The following ZYG11A variants were observed in gnomAD, a reference collection of about 807,000 sequenced individuals.
The protein encoded by ZYG11A is zyg-11 family member A, cell cycle regulator.
A neutral mutation model predicts 77.2 loss-of-function variants in ZYG11A; 62 were observed. That is an observed-to-expected ratio of 0.80 (90% confidence interval 0.65 to 0.99). The LOEUF is 0.99. ZYG11A is among the 50% of genes least tolerant of loss of function. The pLI, the probability that ZYG11A is intolerant of heterozygous loss-of-function variation, is 0.00. For synonymous variants in ZYG11A, 315 were observed against 324.6 expected, an observed-to-expected ratio of 0.97 and a Z score of 0.32; for missense variants, 828 against 896.8, an observed-to-expected ratio of 0.92 and a Z score of 0.98.
intron 8 of ZYG11A, among the ~76,000 whole-genome samples, chr1:52,874,921 A>G (rs970311823): frequency 1.6e-4 from 25 of 152,218 alleles, no homozygotes; most frequent in African/African-American, 6.0e-4. Context: ...CACTTAATAG[A>G]CTACATTATA....
intron 13 of ZYG11A, 62 bp downstream of exon 13, chr1:52,887,115 T>G: frequency 1.0e-6 from 1 of 974,758 alleles, no homozygotes; most frequent in South Asian, 1.9e-5. Flanking sequence ...GTGTAATGAT[T>G]AAGTTCAAGA....
At chr1:52,870,193 C>T (rs1400730797) in intron 8 of ZYG11A, among the ~76,000 whole-genome samples, 2 of 65,462 alleles carry the variant, frequency 3.1e-5, no homozygotes, top group African/African-American at 6.6e-5. Flanking sequence ...GGATGGCGGC[C>T]GGGAAGAGAC....
At chr1:52,886,424 AG>A (rs1271618329) in intron 12 of ZYG11A, among the ~76,000 whole-genome samples, 2 of 152,234 alleles carry the variant, frequency 1.3e-5, no homozygotes, top group Non-Finnish European at 2.9e-5. Context: ...ATCATAATAA[AG>A]GGTTTAATAC....
intron 1 of ZYG11A, among the ~76,000 whole-genome samples, chr1:52,850,872 A>G (rs770884199): frequency 1.3e-5 from 2 of 152,190 alleles, no homozygotes; most frequent in Non-Finnish European, 2.9e-5. Context: ...CCCACGAATT[A>G]TAATAGCCAT....
chr1:52,881,986 G>A lies in ZYG11A; in HGVS notation c.1944+321G>A, dbSNP rs145247200. 8.3e-4 allele frequency among the ~76,000 whole-genome samples: 126 copies of A among 151,370 alleles called. 1 individual carries two copies. The highest frequency in any genetic ancestry group is 3.0e-3 in the African/African-American group (123 of 41,244). On this transcript the variant is annotated intron_variant, in intron 11 of 13. Coordinates refer to ENST00000371528, the MANE Select transcript of ZYG11A (RefSeq NM_001004339.3). ...CACAGCACACTGCAGCCTCAACCTC[G>A]GAGGCTTAGGTGGTCCTCCCACCTC...
chr1:52,869,188 A>G (rs1003892887), intron 8 of ZYG11A, among the ~76,000 whole-genome samples: 30 of 106,776 alleles, frequency 2.8e-4, no homozygotes, highest in Admixed American at 1.2e-3. Context: ...CTTTTGGGTT[A>G]CTGACTTTTT....
In ZYG11A at chr1:52,893,683, T is replaced by G. The variant is rs1646581351; in HGVS notation, c.*726T>G. On this transcript the variant is annotated 3_prime_UTR_variant, in exon 14 of 14. Transcript: ENST00000371528. ...TGGAGGCTGAGGTGGGAGGACCACT[T>G]GAGCCCAGGAGGCAGAGGTTGCAGT... 6.6e-6 allele frequency: 1 copy of G among 152,170 alleles called. No individual in the cohort carries two copies. Among genetic ancestry groups the G allele is most frequent in the African/African-American group, 2.4e-5 (1 of 41,392 alleles). The allele number at this position is 152,170 out of a possible 1,614,324, so 9.4% of individuals were successfully genotyped here.
At chr1:52,859,816 TATAGGCGTGCACCACCACGCCC>T (rs1296244185) in intron 3 of ZYG11A, among the ~76,000 whole-genome samples, 2 of 151,848 alleles carry the variant, frequency 1.3e-5, no homozygotes, top group Admixed American at 6.6e-5. Flanking sequence ...TAGCTGGGAC[TATAGGCGTGCACCACCACGCCC>T]ATCTAATTTT....
intron 1 of ZYG11A, among the ~76,000 whole-genome samples, chr1:52,847,163 T>C (rs1036300743): frequency 6.6e-6 from 1 of 152,098 alleles, no homozygotes; most frequent in Non-Finnish European, 1.5e-5. Flanking sequence ...GCCTCCCAGG[T>C]TGAAGCGATT....
chr1:52,843,557 G>GCC (rs140076947), intron 1 of ZYG11A, among the ~76,000 whole-genome samples: 1 of 152,122 alleles, frequency 6.6e-6, no homozygotes, highest in African/African-American at 2.4e-5. Flanking sequence ...CCGCGCGTCC[G>GCC]CCCCCGTCCC....
intron 2 of ZYG11A, among the ~76,000 whole-genome samples, chr1:52,856,058 A>G (rs1329806114): frequency 6.6e-6 from 1 of 152,164 alleles, no homozygotes; most frequent in East Asian, 1.9e-4. Flanking sequence ...TTGTGGCTGT[A>G]CTATTTTACA....
At chr1:52,844,502 A>G (rs1205635542) in intron 1 of ZYG11A, among the ~76,000 whole-genome samples, 1 of 152,138 alleles carries the variant, frequency 6.6e-6, no homozygotes, top group East Asian at 1.9e-4. Context: ...TTTCTTTGTT[A>G]AGGATTTTAT....
At chr1:52,883,676 C>T (rs1397671696) in intron 11 of ZYG11A, among the ~76,000 whole-genome samples, 1 of 152,148 alleles carries the variant, frequency 6.6e-6, no homozygotes, top group Non-Finnish European at 1.5e-5. Flanking sequence ...ATCTGCCCAC[C>T]TCAGCCTCCA....
At chr1:52,878,679 C>T (rs1255811214) in intron 10 of ZYG11A, among the ~76,000 whole-genome samples, 1 of 152,098 alleles carries the variant, frequency 6.6e-6, no homozygotes, top group Non-Finnish European at 1.5e-5. Context: ...TGGTTCATGC[C>T]TGTAATCCCA....
At chr1:52,859,156 G>C (rs772451726) in intron 3 of ZYG11A, among the ~76,000 whole-genome samples, 3 of 151,492 alleles carry the variant, frequency 2.0e-5, no homozygotes, top group Non-Finnish European at 2.9e-5. Flanking sequence ...AACCTCTGCT[G>C]TGAGCTGAGA....
intron 1 of ZYG11A, among the ~76,000 whole-genome samples, chr1:52,852,556 G>C (rs1265730764): frequency 6.6e-6 from 1 of 151,526 alleles, no homozygotes; most frequent in Non-Finnish European, 1.5e-5. Context: ...TTAGAACAGG[G>C]TTTTGCTATG....
intron 10 of ZYG11A, among the ~76,000 whole-genome samples, chr1:52,878,970 A>AC (rs1646312848): frequency 3.1e-5 from 2 of 65,384 alleles, no homozygotes; most frequent in Admixed American, 2.9e-4. Context: ...AAAAAAAAAA[A>AC]AAAAACAAAC....
chr1:52,889,130 A>C (rs1381734099), intron 13 of ZYG11A, among the ~76,000 whole-genome samples: 4 of 151,812 alleles, frequency 2.6e-5, no homozygotes, highest in African/African-American at 9.7e-5. Context: ...AAATTTATTT[A>C]ATTTTAATTT....
At chr1:52,885,306 G>GTTTTT (rs1646429727) in intron 11 of ZYG11A, among the ~76,000 whole-genome samples, 2 of 57,548 alleles carry the variant, frequency 3.5e-5, no homozygotes, top group African/African-American at 3.3e-4. Flanking sequence ...AAATTGGTTT[G>GTTTTT]TGTTTTTTGT....
Sources: gnomAD v4.1 joint callset for allele counts (sites outside exome capture counted in the v4.1 genomes callset) on GRCh38, gnomAD v4.1.1 for gene constraint, MANE v1.5 for transcripts, NCBI Gene and HGNC (gene_info 2026-07-23, HGNC 2026-07-21) for gene names.